EXD1: variants seen among roughly 807,000 people sequenced by gnomAD.
EXD1 encodes exonuclease 3'-5' domain containing 1, also known as piRNA biogenesis protein EXD1.
A neutral mutation model predicts 49.1 loss-of-function variants in EXD1; 63 were observed. The observed-to-expected ratio is 1.28, with a 90% CI of 1.05 to 1.58. EXD1 has a LOEUF of 1.58. EXD1 is among the 40% of genes most tolerant of loss of function. The pLI, the probability that EXD1 is intolerant of heterozygous loss-of-function variation, is 0.00. For missense variants in EXD1, 748 were observed against 666.0 expected (o/e 1.12, Z -1.36); for synonymous variants, 234 against 239.2 (o/e 0.98, Z 0.20).
In EXD1 at chr15:41,209,523, T is replaced by C. The variant is rs201505411; in HGVS notation, c.512A>G (p.His171Arg). 2.3e-4 allele frequency: 375 copies of C among 1,614,076 alleles called. No individual in the cohort carries two copies. Among genetic ancestry groups the C allele is most frequent in the Non-Finnish European group, 2.8e-4 (326 of 1,180,040 alleles). Residue 171 changes from histidine (H) to arginine (R), a missense_variant, in exon 7 of 12, where the codon CAT (histidine) becomes CGT (arginine). His to Arg is a conservative substitution (Grantham distance 29). Transcript: ENST00000458580. ...VAAEGANVCR[H>R]GKLCWLQVAT... ...CACCTGCAGCCAGCACAGTTTGCCA[T>C]GGCGACATACATTCGCTCCTTCTGC...
chr15:41,197,340 G>T (rs2140840216), intron 7 of EXD1, among the ~76,000 whole-genome samples: 1 of 150,282 alleles, frequency 6.7e-6, no homozygotes, highest in African/African-American at 2.4e-5. Flanking sequence ...CCATTCTCCT[G>T]CCTCAGCCTC....
At chr15:41,219,348 A>G (rs932668922) in intron 3 of EXD1, 1 of 152,242 alleles carries the variant, frequency 6.6e-6, no homozygotes, top group Non-Finnish European at 1.5e-5. Context: ...ATTTTATTCC[A>G]CTTAGTATGA....
chr15:41,222,973 T>C (rs923896074), intron 2 of EXD1, among the ~76,000 whole-genome samples: 1 of 144,698 alleles, frequency 6.9e-6, no homozygotes, highest in Admixed American at 7.0e-5. Flanking sequence ...TTTTTAGAGG[T>C]GGGGTCTTGT....
chr15:41,219,845 G>GC lies in EXD1; in HGVS notation c.186dup (p.His63AlafsTer2), dbSNP rs924145341. On this transcript the variant is annotated frameshift_variant, in exon 3 of 12. Transcript: ENST00000458580. LOFTEE classifies it high-confidence loss of function. Reference sequence around the variant, plus strand: ...GGGGTCTCACCATTCACAATCTCATGCCCAAAAAACAACTTCACTCCTGGG... The same window carrying GC: ...GGGGTCTCACCATTCACAATCTCATGCCCCAAAAAACAACTTCACTCCTGGG... 2.1e-5 allele frequency: 32 copies of GC among 1,535,448 alleles called. No individual in the cohort carries two copies. The highest frequency in any genetic ancestry group is 4.1e-5 in the African/African-American group (3 of 73,062).
chr15:41,199,878 A>G (rs971138176), intron 7 of EXD1, among the ~76,000 whole-genome samples: 1 of 143,648 alleles, frequency 7.0e-6, no homozygotes, highest in Non-Finnish European at 1.5e-5. Flanking sequence ...TATATATATC[A>G]TATATATATG....
At chr15:41,202,068 C>T (rs1226449821) in intron 7 of EXD1, among the ~76,000 whole-genome samples, 1 of 151,932 alleles carries the variant, frequency 6.6e-6, no homozygotes, top group Non-Finnish European at 1.5e-5. Flanking sequence ...AGTGTGATGC[C>T]ACTTCTGTCA....
Position 41,226,504 on chromosome 15 carries a change from A to G in EXD1, c.72T>C (p.Cys24=), listed in dbSNP as rs1457308464. 6.5e-7 allele frequency: 1 copy of G among 1,535,970 alleles called. No individual in the cohort carries two copies. Among genetic ancestry groups the G allele is most frequent in the Non-Finnish European group, 8.7e-7 (1 of 1,146,902 alleles). The change falls in exon 2 of 12, where the codon TGT becomes TGC. Residue 24 remains cysteine (C), a synonymous_variant. Transcript: ENST00000458580. ...GCTGAAGCACACCCTCGAAGACACCACAGACCAATGTGAGTTTCACCCTCT... is the reference window on the plus strand; with the variant it reads ...GCTGAAGCACACCCTCGAAGACACCGCAGACCAATGTGAGTTTCACCCTCT... The part of the protein sequence containing the change: ...LWKRVKLTLV[C]GVFEGVLQHV...
At chr15:41,199,722 T>TATCTCA (rs1555414678) in intron 7 of EXD1, among the ~76,000 whole-genome samples, 17 of 94,630 alleles carry the variant, frequency 1.8e-4, no homozygotes, top group Admixed American at 2.6e-4. Context: ...ATATGATATA[T>TATCTCA]TATATATGAT....
At chr15:41,227,032 A>G (rs1247393269) in intron 1 of EXD1, among the ~76,000 whole-genome samples, 1 of 152,226 alleles carries the variant, frequency 6.6e-6, no homozygotes, top group African/African-American at 2.4e-5. Context: ...TGTTTAGGGC[A>G]GCATAACTAC....
rs1248004779 is a variant in EXD1, at chr15:41,190,131, G to A, written c.865-3C>T. 3.1e-6 allele frequency: 5 copies of A among 1,614,026 alleles called. No homozygotes were observed. The highest frequency in any genetic ancestry group is 4.2e-6 in the Non-Finnish European group (5 of 1,179,968). On this transcript the variant is annotated splice_region_variant and splice_polypyrimidine_tract_variant and intron_variant, in intron 10 of 11. Transcript: ENST00000458580. ...ATGAACCATACTTCTGGATTTTCCTGGAGACAATAAAACAATTTCCTCTGA... is the reference window on the plus strand; with the variant it reads ...ATGAACCATACTTCTGGATTTTCCTAGAGACAATAAAACAATTTCCTCTGA...
chr15:41,186,470 C>CAAAAAAAAA lies in EXD1; in HGVS notation c.1057-1886_1057-1878dup, dbSNP rs58793050. 1.2e-4 allele frequency among the ~76,000 whole-genome samples: 8 copies of CAAAAAAAAA among 68,286 alleles called. 1 individual carries two copies. Among genetic ancestry groups the CAAAAAAAAA allele is most frequent in the East Asian group, 5.7e-4 (1 of 1,750 alleles). 44.8% of individuals were successfully genotyped at this position (68,286 alleles called of 152,430 possible). The stretch of plus-strand genomic sequence containing the variant: ...CTGGGTGATGAGCAAGACTCTGTCT[C>CAAAAAAAAA]AAAAAAAAAAAAAAAAAAATCAGAA... On this transcript the variant is annotated intron_variant, in intron 11 of 11. Coordinates refer to ENST00000458580, the MANE Select transcript of EXD1 (RefSeq NM_001286441.2).
At chr15:41,201,774 C>T (rs1244548596) in intron 7 of EXD1, among the ~76,000 whole-genome samples, 1 of 152,088 alleles carries the variant, frequency 6.6e-6, no homozygotes, top group Non-Finnish European at 1.5e-5. Context: ...AGGCCTGAGT[C>T]ACCGTGCCCA....
chr15:41,216,618 C>T lies in EXD1; in HGVS notation c.388+50G>A, dbSNP rs370685425. 905 of 1,543,588 alleles carry T rather than the reference C, an allele frequency of 5.9e-4. 1 individual carries two copies. The highest frequency in any genetic ancestry group is 7.0e-4 in the Non-Finnish European group (800 of 1,148,260). On this transcript the variant is annotated intron_variant, in intron 5 of 11. Transcript: ENST00000458580. ...TGCACTGCAGCCTGGGCAACAAGAG[C>T]GAAACTCCATCTCAAAAAAAAAAAG...
chr15:41,219,830 C>T lies in EXD1; in HGVS notation c.202G>A (p.Val68Met), dbSNP rs539936308. 1,009 of 1,534,770 alleles carry T rather than the reference C, an allele frequency of 6.6e-4. No homozygotes were observed. Among genetic ancestry groups the T allele is most frequent in the Non-Finnish European group, 8.6e-4 (985 of 1,146,158 alleles). ...TTTTCAAGGAACATGGGGGTCTCAC[C>T]ATTCACAATCTCATGCCCAAAAAAC... is the stretch of plus-strand genomic sequence containing the variant. ...KLFFGHEIVN[V>M]ELLDEVEQGS... The change falls in exon 3 of 12, where the codon GTG (valine) becomes ATG (methionine). Residue 68 changes from valine to methionine, a missense_variant and splice_region_variant. Physicochemically the swap from Val to Met is conservative, Grantham distance 21. Transcript: ENST00000458580.
Position 41,226,499 on chromosome 15 carries a change from A to G in EXD1, c.77T>C (p.Val26Ala). The change falls in exon 2 of 12, where the codon GTC (valine) becomes GCC (alanine). Residue 26 changes from valine (V) to alanine (A), a missense_variant. Transcript: ENST00000458580. ...KRVKLTLVCG[V>A]FEGVLQHVDP... is the part of the protein sequence containing the mutation. ...AACATGCTGAAGCACACCCTCGAAGACACCACAGACCAATGTGAGTTTCAC... is the reference window on the plus strand; with the variant it reads ...AACATGCTGAAGCACACCCTCGAAGGCACCACAGACCAATGTGAGTTTCAC... 1 of 1,536,112 alleles carries G rather than the reference A, an allele frequency of 6.5e-7. No homozygotes were observed. The highest frequency in any genetic ancestry group is 8.7e-7 in the Non-Finnish European group (1 of 1,146,898).
chr15:41,225,919 AC>A (rs58010168), intron 2 of EXD1, among the ~76,000 whole-genome samples: 23,931 of 124,186 alleles, frequency 0.19, 2,501 homozygotes, highest in African/African-American at 0.42. Context: ...AACAAAAAAA[AC>A]CTTTTTATAT....
intron 9 of EXD1, chr15:41,192,181 A>C (rs2046531293): frequency 6.5e-6 from 1 of 152,702 alleles, no homozygotes; most frequent in Admixed American, 6.5e-5. Flanking sequence ...AGCGCCCTAC[A>C]GTCCAAAACT....
rs2046358094 is a variant in EXD1 at position 41,183,803 on chromosome 15, G to A, written c.*128C>T. On this transcript the variant is annotated 3_prime_UTR_variant, in exon 12 of 12. Transcript: ENST00000458580. The stretch of plus-strand genomic sequence containing the variant: ...ACCAGGAACACAGGAGTAAGCAAGA[G>A]GATATAATTTTCCCCTGTGACTGAA... 8.6e-6 allele frequency: 7 copies of A among 817,216 alleles called. No homozygotes were observed. 50.6% of individuals were successfully genotyped at this position (817,216 alleles called of 1,614,324 possible). A position where few individuals can be genotyped will look rare whatever the true frequency, so the allele number is the denominator to read the frequency against.
At chr15:41,200,833 T>C (rs1165512319) in intron 7 of EXD1, among the ~76,000 whole-genome samples, 2 of 152,058 alleles carry the variant, frequency 1.3e-5, no homozygotes, top group African/African-American at 4.8e-5. Context: ...TTTTGCTTCA[T>C]GTGTGAGGAA....
Sources: gnomAD v4.1 joint callset for allele counts (sites outside exome capture counted in the v4.1 genomes callset) on GRCh38, gnomAD v4.1.1 for gene constraint, MANE v1.5 for transcripts, NCBI Gene and HGNC (gene_info 2026-07-23, HGNC 2026-07-21) for gene names.